NNT: variants seen among roughly 807,000 people sequenced by gnomAD.
The protein encoded by NNT is NAD(P) transhydrogenase, mitochondrial.
A neutral mutation model predicts 104.8 loss-of-function variants in NNT; 50 were observed. The observed-to-expected ratio is 0.48, with a 90% CI of 0.38 to 0.60. The LOEUF (loss-of-function observed/expected upper bound fraction) is 0.60. Among genes scored for constraint, NNT ranks in the 20% least tolerant of loss-of-function variants. NNT has a pLI of 0.00. For synonymous variants in NNT, 461 were observed against 490.4 expected, an observed-to-expected ratio of 0.94 and a Z score of 0.79; for missense variants, 1,131 against 1,330.7, an observed-to-expected ratio of 0.85 and a Z score of 2.33.
At chr5:43,686,627 T>C (rs1742003114) in intron 19 of NNT, among the ~76,000 whole-genome samples, 1 of 152,142 alleles carries the variant, frequency 6.6e-6, no homozygotes, top group African/African-American at 2.4e-5. Context: ...TGTGAAAATG[T>C]ATGCTTCTTT....
At chr5:43,657,081 T>A (rs898422674) in intron 16 of NNT, among the ~76,000 whole-genome samples, 1 of 152,220 alleles carries the variant, frequency 6.6e-6, no homozygotes, top group Non-Finnish European at 1.5e-5. Context: ...CGGATCAATG[T>A]GTTGGTGAAC....
At chr5:43,704,160 C>G in intron 21 of NNT, 95 bp from the exon 22 acceptor site, 1 of 1,088,940 alleles carries the variant, frequency 9.2e-7, no homozygotes, top group Middle Eastern at 2.3e-4. Context: ...TGGTACATGC[C>G]TTGTTCAAAG....
chr5:43,608,538 C>G (rs1749341716), intron 1 of NNT, among the ~76,000 whole-genome samples: 1 of 152,174 alleles, frequency 6.6e-6, no homozygotes, highest in Non-Finnish European at 1.5e-5. Flanking sequence ...AGTCATGTGT[C>G]ATGCATGTTT....
chr5:43,673,725 A>C (rs1741256857), intron 17 of NNT, among the ~76,000 whole-genome samples: 1 of 152,146 alleles, frequency 6.6e-6, no homozygotes, highest in Non-Finnish European at 1.5e-5. Context: ...ACTTAATTAA[A>C]AGCATTTCTT....
In NNT at chr5:43,650,466, T is replaced by C. The variant is rs1008670429; in HGVS notation, c.1607-11T>C. On this transcript the variant is annotated splice_polypyrimidine_tract_variant and intron_variant, in intron 11 of 21. Coordinates refer to ENST00000344920, the MANE Select transcript of NNT (RefSeq NM_182977.3). ...CTATCACTATTAACCATGTTAATGC[T>C]TTCTTTCTAGGGCTGACTGCAGTTG... 1.2e-6 allele frequency: 2 copies of C among 1,606,986 alleles called. No homozygotes were observed. The highest frequency in any genetic ancestry group is 8.5e-7 in the Non-Finnish European group (1 of 1,173,584).
In NNT at chr5:43,628,180, C is replaced by T. The variant is rs201853415; in HGVS notation, c.777-20C>T. 3 of 1,510,712 alleles carry T rather than the reference C, an allele frequency of 2.0e-6. No homozygotes were observed. The highest frequency in any genetic ancestry group is 2.7e-6 in the Non-Finnish European group (3 of 1,130,524). 93.6% of individuals were successfully genotyped at this position (1,510,712 alleles called of 1,614,324 possible). A position where few individuals can be genotyped will look rare whatever the true frequency, so the allele number is the denominator to read the frequency against. ...TAGGGCCTGAAATAACTACTCTTTCCACTTTAACAATCACCCTAGAGCTGC... is the reference window on the plus strand; with the variant it reads ...TAGGGCCTGAAATAACTACTCTTTCTACTTTAACAATCACCCTAGAGCTGC... On this transcript the variant is annotated intron_variant, in intron 6 of 21. Transcript: ENST00000344920.
intron 16 of NNT, among the ~76,000 whole-genome samples, chr5:43,657,708 C>A (rs1021737398): frequency 6.6e-6 from 1 of 152,178 alleles, no homozygotes; most frequent in African/African-American, 2.4e-5. Context: ...AAAATCTCAT[C>A]TTTATATTCA....
chr5:43,644,614 A>G lies in NNT; in HGVS notation c.1102A>G (p.Ile368Val), dbSNP rs761315983. 1.2e-6 allele frequency: 2 copies of G among 1,603,940 alleles called. No individual in the cohort carries two copies. Among genetic ancestry groups the G allele is most frequent in the East Asian group, 2.2e-5 (1 of 44,808 alleles). The change falls in exon 9 of 22, where the codon ATT (isoleucine) becomes GTT (valine). Residue 368 changes from isoleucine to valine, a missense_variant. Ile to Val is a conservative substitution (Grantham distance 29, BLOSUM62 3). Coordinates refer to ENST00000344920, the MANE Select transcript of NNT (RefSeq NM_182977.3). Reference protein sequence around the residue: ...KPGELYIHKGITHIGYTDLPS... With the variant: ...KPGELYIHKGVTHIGYTDLPS... Reference sequence around the variant, plus strand: ...GACTATAATTTTGTTCATTTAGGGAATTACTCACATAGGCTACACAGACCT... The same window carrying G: ...GACTATAATTTTGTTCATTTAGGGAGTTACTCACATAGGCTACACAGACCT...
chr5:43,621,904 T>C (rs1219663219), intron 5 of NNT, among the ~76,000 whole-genome samples: 1 of 152,128 alleles, frequency 6.6e-6, no homozygotes, highest in African/African-American at 2.4e-5. Flanking sequence ...AAGAATACCA[T>C]TGGTCTTGGA....
chr5:43,624,435 G>A (rs1359230869), intron 6 of NNT, among the ~76,000 whole-genome samples: 1 of 152,174 alleles, frequency 6.6e-6, no homozygotes, highest in Non-Finnish European at 1.5e-5. Context: ...CATAAACAAA[G>A]ATGTTTGTGA....
chr5:43,630,722 C>T (rs1014602345), intron 7 of NNT, among the ~76,000 whole-genome samples: 8 of 152,292 alleles, frequency 5.3e-5, no homozygotes, highest in Admixed American at 4.6e-4. Flanking sequence ...AAACTGTCCA[C>T]CTTTTATAGT....
chr5:43,698,035 C>A (rs1742646020), intron 19 of NNT, among the ~76,000 whole-genome samples: 1 of 151,744 alleles, frequency 6.6e-6, no homozygotes, highest in Non-Finnish European at 1.5e-5. Flanking sequence ...GATGGCACAA[C>A]TATAGACCTT....
Position 43,696,269 on chromosome 5 carries a change from G to A in NNT, c.2877-3850G>A, listed in dbSNP as rs565526236. The stretch of plus-strand genomic sequence containing the variant: ...CAAAGGGACTAAAGGCCCCTTGCAA[G>A]TTTGAAATCCAGCAGGGCAATCAAA... On this transcript the variant is annotated intron_variant, in intron 19 of 21. Coordinates refer to ENST00000344920, the MANE Select transcript of NNT (RefSeq NM_182977.3). Among the ~76,000 whole-genome samples, 306 of 152,288 alleles carry A rather than the reference G, an allele frequency of 2.0e-3. 1 individual carries two copies. Among genetic ancestry groups the A allele is most frequent in the Non-Finnish European group, 3.6e-3 (244 of 68,014 alleles).
Position 43,657,964 on chromosome 5 carries a change from G to A in NNT, c.2454+1151G>A, listed in dbSNP as rs185624094. On this transcript the variant is annotated intron_variant, in intron 16 of 21. Transcript: ENST00000344920. Reference sequence around the variant, plus strand: ...AGCCTGGCCAGCATGGTGAAACCCCGTCTCTACTAAAAATACAAAAATAAG... The same window carrying A: ...AGCCTGGCCAGCATGGTGAAACCCCATCTCTACTAAAAATACAAAAATAAG... Among the ~76,000 whole-genome samples the A allele has an allele frequency of 3.7e-4, 57 of 152,046 alleles. 1 individual carries two copies. The highest frequency in any genetic ancestry group is 1.3e-3 in the African/African-American group (54 of 41,480).
chr5:43,676,829 G>A (rs1376996923), intron 18 of NNT, among the ~76,000 whole-genome samples: 5 of 152,132 alleles, frequency 3.3e-5, no homozygotes, highest in Non-Finnish European at 5.9e-5. Context: ...AACCTATGAA[G>A]GTTTGTAGGG....
rs557132669 is a variant in NNT at position 43,667,922 on chromosome 5, C to T, written c.2635-7589C>T. Among the ~76,000 whole-genome samples, 7 of 152,342 alleles carry T rather than the reference C, an allele frequency of 4.6e-5. No individual in the cohort carries two copies. In the East Asian group the frequency reaches 1.2e-3, roughly 25 times the overall value. On this transcript the variant is annotated intron_variant, in intron 17 of 21. Coordinates refer to ENST00000344920, the MANE Select transcript of NNT (RefSeq NM_182977.3). ...TGTTCCTATTTCTCCACATCCTCAC[C>T]AGCACCTGTTGTTTCCTGACTTTTT...
intron 4 of NNT, among the ~76,000 whole-genome samples, chr5:43,618,482 G>A (rs1342022310): frequency 3.9e-5 from 6 of 152,114 alleles, no homozygotes; most frequent in Non-Finnish European, 2.9e-5. Flanking sequence ...GCCTATGGCT[G>A]ACCTAATTTT....
At chr5:43,673,492 AG>A (rs374708235) in intron 17 of NNT, among the ~76,000 whole-genome samples, 19 of 152,344 alleles carry the variant, frequency 1.2e-4, no homozygotes, top group African/African-American at 4.6e-4. Flanking sequence ...TGTCTGAAAT[AG>A]TCCTTTAAAT....
intron 17 of NNT, 103 bp from the exon 18 acceptor site, chr5:43,675,408 T>C (rs1741357274): frequency 7.5e-6 from 8 of 1,065,314 alleles, no homozygotes; most frequent in Admixed American, 3.0e-5. Context: ...AATGATCAAA[T>C]AAACCTTTTA....
Sources: allele counts gnomAD v4.1 joint callset (sites outside exome capture counted in the v4.1 genomes callset), GRCh38; gene constraint gnomAD v4.1.1; transcripts MANE v1.5; gene names NCBI Gene and HGNC (gene_info 2026-07-23, HGNC 2026-07-21).